The following RGP1 variants were observed in gnomAD, a reference collection of about 807,000 sequenced individuals.
RGP1 encodes RAB6A-GEF complex partner protein 2.
Under a neutral mutation model 44.5 loss-of-function variants are expected in RGP1, and 28 were observed. The ratio of observed to expected loss-of-function variants is 0.63; its 90% CI spans 0.47 to 0.86. RGP1 has a LOEUF of 0.86. RGP1 is among the 40% of genes least tolerant of loss of function. The probability of loss-of-function intolerance (pLI) is 0.00; values close to 1 mark genes in which losing one functional copy is unlikely to be tolerated. For missense variants in RGP1, 417 were observed against 490.7 expected (o/e 0.85, Z 1.42); for synonymous variants, 212 against 196.7 (o/e 1.08, Z -0.65).
At chr9:35,785,023 C>G in the RGP1 span, among the ~76,000 whole-genome samples, 1 of 152,156 alleles carries the variant, frequency 6.6e-6, no homozygotes, top group Non-Finnish European at 1.5e-5. Flanking sequence ...ACAAGTTTCC[C>G]CAGACCAATA....
chr9:35,763,357 G>A (rs916725699), downstream of RGP1, among the ~76,000 whole-genome samples: 1 of 152,110 alleles, frequency 6.6e-6, no homozygotes, highest in Non-Finnish European at 1.5e-5. Flanking sequence ...TAATTAATGG[G>A]CTATATAATA....
the RGP1 span, among the ~76,000 whole-genome samples, chr9:35,784,140 T>G: frequency 6.6e-6 from 1 of 152,216 alleles, no homozygotes; most frequent in South Asian, 2.1e-4. Context: ...TGGGATTTTT[T>G]TTTGCTATTG....
chr9:35,761,871 T>C (rs1284818161), downstream of RGP1, among the ~76,000 whole-genome samples: 1 of 152,048 alleles, frequency 6.6e-6, no homozygotes, highest in African/African-American at 2.4e-5. Flanking sequence ...ATACTGACTC[T>C]GACTGGGTGT....
the RGP1 span, among the ~76,000 whole-genome samples, chr9:35,780,969 T>A: frequency 1.3e-5 from 2 of 152,168 alleles, no homozygotes; most frequent in Non-Finnish European, 2.9e-5. Flanking sequence ...AACATTTATT[T>A]GAATTCTAAA....
chr9:35,756,756 A>C lies in RGP1; in HGVS notation c.*3882A>C, dbSNP rs1457381993. 1.3e-5 allele frequency: 2 copies of C among 152,436 alleles called. No individual in the cohort carries two copies. Among genetic ancestry groups the C allele is most frequent in the Admixed American group, 6.5e-5 (1 of 15,288 alleles). The allele number at this position is 152,436 out of a possible 1,614,324, so 9.4% of individuals were successfully genotyped here. A position where few individuals can be genotyped will look rare whatever the true frequency, so the allele number is the denominator to read the frequency against. On this transcript the variant is annotated 3_prime_UTR_variant, in exon 9 of 9. Coordinates refer to ENST00000378078, the MANE Select transcript of RGP1 (RefSeq NM_001080496.3). The stretch of plus-strand genomic sequence containing the variant: ...GGATGTGAGTGGGGAGCTGGGGCGC[A>C]TGAAGGTGGGGGTGATGCCGAAGGG...
chr9:35,787,106 AAAT>A, the RGP1 span, among the ~76,000 whole-genome samples: 197 of 151,228 alleles, frequency 1.3e-3, no homozygotes, highest in African/African-American at 4.5e-3. Flanking sequence ...TCAAAAAAAA[AAAT>A]TTTTTTTTTT....
At chr9:35,758,929 G>A (rs1563975806), downstream of RGP1, among the ~76,000 whole-genome samples, 2 of 151,998 alleles carry the variant, frequency 1.3e-5, no homozygotes, top group Non-Finnish European at 2.9e-5. Flanking sequence ...AAAAAAGCTA[G>A]GCTTGATTGT....
the RGP1 span, among the ~76,000 whole-genome samples, chr9:35,782,708 A>G: frequency 6.6e-6 from 1 of 152,148 alleles, no homozygotes; most frequent in Non-Finnish European, 1.5e-5. Flanking sequence ...GGCCTCCCAA[A>G]GTGCTGGAAT....
the RGP1 span, among the ~76,000 whole-genome samples, chr9:35,769,083 G>A: frequency 1.3e-5 from 2 of 152,244 alleles, no homozygotes; most frequent in Non-Finnish European, 2.9e-5. Context: ...GCCCATTTGA[G>A]ATAAGTTAGG....
Position 35,753,947 on chromosome 9 carries a change from TC to T in RGP1, c.*1076del. The T allele has an allele frequency of 6.3e-7, 1 of 1,583,744 alleles. No homozygotes were observed. The highest frequency in any genetic ancestry group is 1.2e-5 in the South Asian group (1 of 86,398). On this transcript the variant is annotated 3_prime_UTR_variant, in exon 9 of 9. Transcript: ENST00000378078. The surrounding 1 kb of genome is among the most constrained non-coding windows in gnomAD (Gnocchi z 4.2). Reference sequence around the variant, plus strand: ...CGGGATCATCTGTAAGGCCCCATCCTCCCTGTGCCCTCTCTGCTGCTCCTCC... The same window carrying T: ...CGGGATCATCTGTAAGGCCCCATCCTCCTGTGCCCTCTCTGCTGCTCCTCC...
At chr9:35,772,708 G>A in the RGP1 span, among the ~76,000 whole-genome samples, 60 of 151,222 alleles carry the variant, frequency 4.0e-4, no homozygotes, top group African/African-American at 1.4e-3. Context: ...GGAGAATGGC[G>A]TGAACCTGGG....
In RGP1 at chr9:35,751,401, G is replaced by T. The variant is rs1023918865; in HGVS notation, c.623G>T (p.Cys208Phe). 1 of 1,613,842 alleles carries T rather than the reference G, an allele frequency of 6.2e-7. No homozygotes were observed. Among genetic ancestry groups the T allele is most frequent in the African/African-American group, 1.3e-5 (1 of 74,898 alleles). The change falls in exon 6 of 9, where the codon TGC becomes TTC. Residue 208 changes from cysteine to phenylalanine, a missense_variant. Cys to Phe is a radical substitution (Grantham distance 205). Coordinates refer to ENST00000378078, the MANE Select transcript of RGP1 (RefSeq NM_001080496.3). ...AGERLMAATSCRSLHLYNISD... is the reference protein window; with the variant it reads ...AGERLMAATSFRSLHLYNISD... ...GAACGCCTAATGGCTGCCACATCCT[G>T]CCGCAGCCTCCGTGAGAATTCTTTC...
chr9:35,775,838 G>T, the RGP1 span, among the ~76,000 whole-genome samples: 1 of 152,180 alleles, frequency 6.6e-6, no homozygotes, highest in Non-Finnish European at 1.5e-5. Flanking sequence ...GTGGGATGTA[G>T]TTCAATTTTG....
chr9:35,787,024 C>T, the RGP1 span, among the ~76,000 whole-genome samples: 10 of 151,132 alleles, frequency 6.6e-5, no homozygotes, highest in South Asian at 2.1e-4. Context: ...GGTATTAACC[C>T]GGGAGGCGGA....
downstream of RGP1, among the ~76,000 whole-genome samples, chr9:35,762,779 C>G (rs1827430136): frequency 6.6e-6 from 1 of 151,090 alleles, no homozygotes; most frequent in South Asian, 2.1e-4. Flanking sequence ...CCAGAACAAT[C>G]TTGCTTTTAT....
the RGP1 span, among the ~76,000 whole-genome samples, chr9:35,778,125 C>T: frequency 4.6e-5 from 7 of 152,026 alleles, no homozygotes; most frequent in Non-Finnish European, 1.0e-4. Context: ...CATGGAGAAA[C>T]CCCGTCTCTA....
At chr9:35,774,518 G>A in the RGP1 span, among the ~76,000 whole-genome samples, 568 of 152,316 alleles carry the variant, frequency 3.7e-3, 4 homozygotes, top group African/African-American at 0.013. Context: ...ACGAGGTCAG[G>A]AGATAGAGAC....
chr9:35,772,501 T>G, the RGP1 span: 1 of 152,076 alleles, frequency 6.6e-6, no homozygotes, highest in African/African-American at 2.4e-5. Flanking sequence ...TTGTAAAAAT[T>G]TTATACTAGA....
chr9:35,788,875 T>C, the RGP1 span, among the ~76,000 whole-genome samples: 5 of 152,114 alleles, frequency 3.3e-5, no homozygotes, highest in Admixed American at 2.0e-4. Context: ...CAGCTTTCCC[T>C]CAAACATGAA....
Sources: gnomAD v4.1 joint callset for allele counts (sites outside exome capture counted in the v4.1 genomes callset) on GRCh38, gnomAD v4.1.1 for gene constraint, Gnocchi (gnomAD v3.1) non-coding constraint, MANE v1.5 for transcripts, NCBI Gene and HGNC (gene_info 2026-07-23, HGNC 2026-07-21) for gene names.